The following EIF2S3B variants were observed in gnomAD, a reference collection of about 807,000 sequenced individuals.
EIF2S3B encodes eukaryotic translation initiation factor 2 subunit gamma B.
A neutral mutation model predicts 26.4 loss-of-function variants in EIF2S3B; 16 were observed. The ratio of observed to expected loss-of-function variants is 0.61; its 90% CI spans 0.41 to 0.92. The LOEUF is 0.92. EIF2S3B is among the 40% of genes least tolerant of loss of function. The probability of loss-of-function intolerance (pLI) is 0.00; values close to 1 mark genes in which losing one functional copy is unlikely to be tolerated. For missense variants in EIF2S3B, 510 were observed against 575.5 expected, an observed-to-expected ratio of 0.89 and a Z score of 1.16; for synonymous variants, 183 against 204.4, an observed-to-expected ratio of 0.90 and a Z score of 0.89.
chr12:10,520,431 A>C (rs1407670702), intron 1 of EIF2S3B, among the ~76,000 whole-genome samples: 1 of 150,362 alleles, frequency 6.7e-6, no homozygotes, highest in Non-Finnish European at 1.5e-5. Context: ...TAATGGGTGC[A>C]GCACACCAGC....
chr12:10,514,745 C>G lies in EIF2S3B; in HGVS notation c.1308+7535C>G, dbSNP rs147863560. Among the ~76,000 whole-genome samples the G allele has an allele frequency of 5.0e-4, 76 of 152,278 alleles. 1 individual carries two copies. The highest frequency in any genetic ancestry group is 1.8e-3 in the African/African-American group (73 of 41,568). The stretch of plus-strand genomic sequence containing the variant: ...CCACTGAATCCAATGCAGATTCCTG[C>G]AATTCTACGTTGTAAATATTTCTCA... On this transcript the variant is annotated intron_variant, in intron 1 of 1. Coordinates refer to the EIF2S3B transcript ENST00000322446.
At chr12:10,521,860 A>C (rs754896841) in intron 1 of EIF2S3B, among the ~76,000 whole-genome samples, 9 of 152,202 alleles carry the variant, frequency 5.9e-5, no homozygotes, top group Non-Finnish European at 1.2e-4. Flanking sequence ...AAGTGAGCTC[A>C]AGATTTTCTG....
intron 1 of EIF2S3B, among the ~76,000 whole-genome samples, chr12:10,519,305 T>C (rs4509859): frequency 0.56 from 85,438 of 151,244 alleles, 24,498 homozygotes; most frequent in East Asian, 0.75. Flanking sequence ...TGGCTAGCCA[T>C]ATGTAGCAAG....
Position 10,507,425 on chromosome 12 carries a change from C to T in EIF2S3B, c.*104C>T. On this transcript the variant is annotated 3_prime_UTR_variant, in exon 1 of 1. Coordinates refer to ENST00000538173, the MANE Select transcript of EIF2S3B (RefSeq NM_001357734.3). ...AAGCGATATTGGGGAATTGATTTCA[C>T]AGTTTGTTACCTTAGTAGGTAACGG... 2 of 1,356,672 alleles carry T rather than the reference C, an allele frequency of 1.5e-6. No individual in the cohort carries two copies. The highest frequency in any genetic ancestry group is 2.1e-6 in the Non-Finnish European group (2 of 957,912). 84.0% of individuals were successfully genotyped at this position (1,356,672 alleles called of 1,614,324 possible). A position where few individuals can be genotyped will look rare whatever the true frequency, so the allele number is the denominator to read the frequency against.
Position 10,517,483 on chromosome 12 carries a change from C to G in EIF2S3B, c.1309-5120C>G, listed in dbSNP as rs1174208582. On this transcript the variant is annotated intron_variant, in intron 1 of 1. Transcript: ENST00000322446. ...TCCCCTTTATCATTTTTTATTGTGT[C>G]TATTTGATTTTCTCTCTTTTCTTCT... 2.0e-5 allele frequency among the ~76,000 whole-genome samples: 3 copies of G among 152,022 alleles called. No homozygotes were observed. In the East Asian group the frequency reaches 5.8e-4, roughly 29 times the overall value.
chr12:10,513,917 A>G (rs960259965), intron 1 of EIF2S3B, among the ~76,000 whole-genome samples: 1 of 101,206 alleles, frequency 9.9e-6, no homozygotes, highest in Non-Finnish European at 2.5e-5. Context: ...TGGGAGGCTG[A>G]GACAGGAGAA....
intron 1 of EIF2S3B, among the ~76,000 whole-genome samples, chr12:10,520,309 A>G (rs1023228017): frequency 6.8e-6 from 1 of 146,386 alleles, no homozygotes; most frequent in Non-Finnish European, 1.5e-5. Context: ...GAATTGAACA[A>G]TGAGAACACA....
intron 1 of EIF2S3B, among the ~76,000 whole-genome samples, chr12:10,518,998 G>A (rs1289078691): frequency 6.6e-6 from 1 of 151,026 alleles, no homozygotes. Context: ...CACAGAATTG[G>A]AAAAAACTAC....
chr12:10,519,623 T>A (rs1864808086), intron 1 of EIF2S3B, among the ~76,000 whole-genome samples: 1 of 152,130 alleles, frequency 6.6e-6, no homozygotes, highest in African/African-American at 2.4e-5. Flanking sequence ...GACAAAGGGC[T>A]AATATCCAGA....
Position 10,506,651 on chromosome 12 carries a change from T to G in EIF2S3B, c.749T>G (p.Phe250Cys). The G allele has an allele frequency of 1.9e-6, 3 of 1,613,808 alleles. No homozygotes were observed. Among genetic ancestry groups the G allele is most frequent in the Non-Finnish European group, 2.5e-6 (3 of 1,179,702 alleles). Residue 250 changes from phenylalanine (F) to cysteine (C), a missense_variant, in exon 1 of 1, where the codon TTT (phenylalanine) becomes TGT (cysteine). Transcript: ENST00000538173. ...VKKIPVPPRD[F>C]TSEPRLIVIR... ...AAAATTCCAGTACCCCCAAGAGACT[T>G]TACTTCAGAGCCCCGGCTTATTGTT...
intron 1 of EIF2S3B, among the ~76,000 whole-genome samples, chr12:10,519,585 G>A (rs1388418809): frequency 1.3e-5 from 2 of 151,954 alleles, no homozygotes; most frequent in African/African-American, 4.8e-5. Flanking sequence ...CTACAAAATG[G>A]GAGAAAATTT....
rs1864657027 is a variant in EIF2S3B, at chr12:10,507,715, CCCAAGTAG to C, written c.*396_*403del. Among the ~76,000 whole-genome samples the C allele has an allele frequency of 1.3e-5, 2 of 152,160 alleles. No homozygotes were observed. Among genetic ancestry groups the C allele is most frequent in the South Asian group, 4.1e-4 (2 of 4,826 alleles). The stretch of plus-strand genomic sequence containing the variant: ...TCAAGCGATTCTCCTGCCTCAGCCC[CCCAAGTAG>C]CTGAGATTACAGGTGTGTGCCACCA... On this transcript the variant is annotated 3_prime_UTR_variant, in exon 1 of 1. Transcript: ENST00000538173.
downstream of EIF2S3B, among the ~76,000 whole-genome samples, chr12:10,513,235 T>C (rs1188904257): frequency 6.6e-6 from 1 of 152,232 alleles, no homozygotes; most frequent in East Asian, 1.9e-4. Flanking sequence ...GAAAATTTGG[T>C]TTTTATTTTC....
At chr12:10,512,595 T>C (rs555323957), downstream of EIF2S3B, among the ~76,000 whole-genome samples, 1 of 152,184 alleles carries the variant, frequency 6.6e-6, no homozygotes, top group Admixed American at 6.6e-5. Flanking sequence ...TTCCCTCATC[T>C]TCTTGCTTGT....
chr12:10,510,677 T>C (rs1353106003), downstream of EIF2S3B, among the ~76,000 whole-genome samples: 1 of 152,172 alleles, frequency 6.6e-6, no homozygotes, highest in Non-Finnish European at 1.5e-5. Context: ...AAAGTCTGTA[T>C]GTTGGACATA....
downstream of EIF2S3B, among the ~76,000 whole-genome samples, chr12:10,509,165 G>T (rs1008159428): frequency 2.0e-5 from 3 of 152,012 alleles, no homozygotes; most frequent in Non-Finnish European, 4.4e-5. Context: ...GCATTACTGT[G>T]AGATTTTTAT....
At position 10,506,636 on chromosome 12, in the gene EIF2S3B, T is replaced by A. The variant is rs776307773; in HGVS notation, c.734T>A (p.Val245Glu). ...GAGTACATAGTAAAGAAAATTCCAGTACCCCCAAGAGACTTTACTTCAGAG... is the reference window on the plus strand; with the variant it reads ...GAGTACATAGTAAAGAAAATTCCAGAACCCCCAAGAGACTTTACTTCAGAG... ...VCEYIVKKIP[V>E]PPRDFTSEPR... Residue 245 changes from valine to glutamate, a missense_variant, in exon 1 of 1, where the codon GTA (valine) becomes GAA (glutamate). Physicochemically the swap from Val to Glu is moderately radical, Grantham distance 121 (BLOSUM62 -2). Transcript: ENST00000538173. The A allele has an allele frequency of 6.2e-6, 10 of 1,612,738 alleles. No homozygotes were observed. The African/African-American group carries it at 1.3e-4, about 22-fold the overall frequency.
Position 10,522,587 on chromosome 12 carries a change from T to C in EIF2S3B, c.1309-16T>C, listed in dbSNP as rs555938226. Reference sequence around the variant, plus strand: ...ATATTTACTGATTCTTCAACATCCATTGCATTCTCTTCCAGATTCATCTAA... The same window carrying C: ...ATATTTACTGATTCTTCAACATCCACTGCATTCTCTTCCAGATTCATCTAA... On this transcript the variant is annotated splice_polypyrimidine_tract_variant and intron_variant, in intron 1 of 1. Coordinates refer to the EIF2S3B transcript ENST00000322446. 174 of 676,360 alleles carry C rather than the reference T, an allele frequency of 2.6e-4. No homozygotes were observed. In the African/African-American group the frequency reaches 2.7e-3, roughly 11 times the overall value. The allele number at this position is 676,360 out of a possible 1,614,324, so 41.9% of individuals were successfully genotyped here. A position where few individuals can be genotyped will look rare whatever the true frequency, so the allele number is the denominator to read the frequency against.
In EIF2S3B at chr12:10,519,095, C is replaced by T. The variant is rs1386578034; in HGVS notation, c.1309-3508C>T. 2.6e-5 allele frequency among the ~76,000 whole-genome samples: 4 copies of T among 151,672 alleles called. No individual in the cohort carries two copies. The East Asian group carries it at 7.8e-4, about 29-fold the overall frequency. On this transcript the variant is annotated intron_variant, in intron 1 of 1. Transcript: ENST00000322446. The stretch of plus-strand genomic sequence containing the variant: ...AACAAAGCTGGAGGCATCACGCTAC[C>T]TGACTTCAAACTATACTACAAGGCT...
Sources: allele counts gnomAD v4.1 joint callset (sites outside exome capture counted in the v4.1 genomes callset), GRCh38; gene constraint gnomAD v4.1.1; transcripts MANE v1.5; gene names NCBI Gene and HGNC (gene_info 2026-07-23, HGNC 2026-07-21).